RANBP9: variants seen among roughly 807,000 people sequenced by gnomAD.
RANBP9 encodes the protein ran-binding protein 9.
Under a neutral mutation model 84.3 loss-of-function variants are expected in RANBP9, and 15 were observed. The ratio of observed to expected loss-of-function variants is 0.18; its 90% CI spans 0.12 to 0.27. RANBP9 has a LOEUF of 0.27. Among genes scored for constraint, RANBP9 ranks in the 10% least tolerant of loss-of-function variants. The probability of loss-of-function intolerance (pLI) is 1.00; values close to 1 mark genes in which losing one functional copy is unlikely to be tolerated. For missense variants in RANBP9, 809 were observed against 912.8 expected, an observed-to-expected ratio of 0.89 and a Z score of 1.46; for synonymous variants, 392 against 349.6, an observed-to-expected ratio of 1.12 and a Z score of -1.35.
intron 2 of RANBP9, among the ~76,000 whole-genome samples, chr6:13,682,190 GA>G (rs1294458270): frequency 6.6e-6 from 1 of 152,000 alleles, no homozygotes; most frequent in African/African-American, 2.4e-5. Flanking sequence ...GTCTTACTTT[GA>G]AACAATGTAA....
chr6:13,680,438 G>A (rs528278534), intron 2 of RANBP9, among the ~76,000 whole-genome samples: 4 of 152,046 alleles, frequency 2.6e-5, no homozygotes, highest in African/African-American at 9.6e-5. Context: ...AATGTCCATG[G>A]AGCTCATAAA....
intron 10 of RANBP9, among the ~76,000 whole-genome samples, chr6:13,637,413 G>A (rs902372152): frequency 6.6e-6 from 1 of 152,152 alleles, no homozygotes; most frequent in African/African-American, 2.4e-5. Context: ...GAAAAAATCA[G>A]TTGTAAATTT....
Position 13,632,118 on chromosome 6 carries a change from C to CTTTTTTTTTTTTTTTTTTTTTTTTT in RANBP9, c.1947+227_1947+251dup, listed in dbSNP as rs752500098. On this transcript the variant is annotated intron_variant, in intron 12 of 13. Transcript: ENST00000011619. ...TAAGCACTAGCACTGGGATTTAATC[C>CTTTTTTTTTTTTTTTTTTTTTTTTT]TTTTTTTTTTTTTTTTTTTTTTTTT... Among the ~76,000 whole-genome samples, 2 of 74,922 alleles carry CTTTTTTTTTTTTTTTTTTTTTTTTT rather than the reference C, an allele frequency of 2.7e-5. 1 individual carries two copies. The highest frequency in any genetic ancestry group is 5.2e-5 in the Non-Finnish European group (2 of 38,566). The allele number at this position is 74,922 out of a possible 152,430, so 49.2% of individuals were successfully genotyped here. A position where few individuals can be genotyped will look rare whatever the true frequency, so the allele number is the denominator to read the frequency against.
intron 1 of RANBP9, among the ~76,000 whole-genome samples, chr6:13,699,808 C>A (rs1353377553): frequency 6.6e-6 from 1 of 152,084 alleles, no homozygotes; most frequent in African/African-American, 2.4e-5. Flanking sequence ...GTTGCAAGGG[C>A]CTGACAGCGC....
chr6:13,677,097 T>C (rs1765903446), intron 2 of RANBP9, among the ~76,000 whole-genome samples: 1 of 152,280 alleles, frequency 6.6e-6, no homozygotes, highest in Middle Eastern at 3.4e-3. Context: ...AAAGATTGTT[T>C]ATGCAGACAA....
intron 2 of RANBP9, among the ~76,000 whole-genome samples, chr6:13,677,124 GA>G (rs534542738): frequency 1.2e-3 from 182 of 152,106 alleles, no homozygotes; most frequent in African/African-American, 4.2e-3. Context: ...AGAATTGACA[GA>G]AAAAAACCTC....
chr6:13,691,898 C>G (rs937670355), intron 2 of RANBP9, among the ~76,000 whole-genome samples: 1 of 152,120 alleles, frequency 6.6e-6, no homozygotes, highest in African/African-American at 2.4e-5. Flanking sequence ...GAACTCCTGA[C>G]CTCATGATCC....
chr6:13,685,929 C>CAAAA (rs566635171), intron 2 of RANBP9, among the ~76,000 whole-genome samples: 1 of 99,666 alleles, frequency 1.0e-5, no homozygotes, highest in African/African-American at 3.6e-5. Context: ...GACTCTGTCT[C>CAAAA]AAAAAAAAAA....
At chr6:13,637,338 G>A (rs573264124) in intron 10 of RANBP9, among the ~76,000 whole-genome samples, 1 of 151,828 alleles carries the variant, frequency 6.6e-6, no homozygotes, top group Non-Finnish European at 1.5e-5. Flanking sequence ...AAGATTATTT[G>A]TAAAGTTAGT....
intron 2 of RANBP9, among the ~76,000 whole-genome samples, chr6:13,686,265 C>T (rs549432010): frequency 1.1e-4 from 16 of 151,310 alleles, no homozygotes; most frequent in African/African-American, 3.2e-4. Context: ...CCACTACACC[C>T]GGCTAATTTT....
At chr6:13,669,879 C>A (rs1341876116) in intron 2 of RANBP9, among the ~76,000 whole-genome samples, 2 of 152,062 alleles carry the variant, frequency 1.3e-5, no homozygotes, top group Admixed American at 6.6e-5. Flanking sequence ...CAGGTGTGAG[C>A]CACAGCATCT....
intron 2 of RANBP9, among the ~76,000 whole-genome samples, chr6:13,686,092 A>C: frequency 1.3e-5 from 1 of 78,806 alleles, no homozygotes; most frequent in Non-Finnish European, 2.6e-5. Flanking sequence ...TGAATTTCCA[A>C]AATTTCTTCC....
intron 2 of RANBP9, among the ~76,000 whole-genome samples, chr6:13,661,182 G>C (rs1364894742): frequency 6.6e-6 from 1 of 152,156 alleles, no homozygotes; most frequent in African/African-American, 2.4e-5. Flanking sequence ...TGTAGTTAAG[G>C]GGAAAGAGAG....
intron 8 of RANBP9, among the ~76,000 whole-genome samples, chr6:13,640,998 T>C (rs1159994691): frequency 6.6e-6 from 1 of 152,072 alleles, no homozygotes; most frequent in African/African-American, 2.4e-5. Context: ...AGCAAATACA[T>C]AGCAAAAGAC....
At chr6:13,673,629 T>C (rs1379764259) in intron 2 of RANBP9, among the ~76,000 whole-genome samples, 2 of 152,192 alleles carry the variant, frequency 1.3e-5, no homozygotes, top group Non-Finnish European at 2.9e-5. Context: ...GAGTTGGTTA[T>C]ATTCTGTTAT....
intron 2 of RANBP9, among the ~76,000 whole-genome samples, chr6:13,672,004 A>G (rs764585484): frequency 3.9e-5 from 6 of 152,306 alleles, no homozygotes; most frequent in Non-Finnish European, 7.4e-5. Flanking sequence ...TTTACTCTAA[A>G]GCCAATAACT....
At chr6:13,664,512 T>G (rs1279692516) in intron 2 of RANBP9, among the ~76,000 whole-genome samples, 1 of 152,076 alleles carries the variant, frequency 6.6e-6, no homozygotes, top group African/African-American at 2.4e-5. Context: ...AGAAGCTGAT[T>G]AATGAATGTA....
intron 1 of RANBP9, among the ~76,000 whole-genome samples, chr6:13,706,422 C>T (rs1758123663): frequency 1.3e-5 from 2 of 152,296 alleles, no homozygotes; most frequent in South Asian, 4.1e-4. Flanking sequence ...TGGCTGGGCA[C>T]TGTGGCTCAC....
rs542528343 is a variant in RANBP9, at chr6:13,625,386, C to T, written c.2059+267G>A. On this transcript the variant is annotated intron_variant, in intron 13 of 13. Transcript: ENST00000011619. ...TGAGAGAAGTAGACATTCGTGGCTA[C>T]CAGAAATGCTTACATACATGCACAC... Among the ~76,000 whole-genome samples, 13 of 152,218 alleles carry T rather than the reference C, an allele frequency of 8.5e-5. No homozygotes were observed. In the East Asian group the frequency reaches 2.1e-3, roughly 25 times the overall value.
Sources: gnomAD v4.1 joint callset for allele counts (sites outside exome capture counted in the v4.1 genomes callset) on GRCh38, gnomAD v4.1.1 for gene constraint, MANE v1.5 for transcripts, NCBI Gene and HGNC (gene_info 2026-07-23, HGNC 2026-07-21) for gene names.